KCTD20: variants seen among roughly 807,000 people sequenced by gnomAD.
KCTD20 encodes the protein BTB/POZ domain-containing protein KCTD20.
In KCTD20, 30 loss-of-function variants were observed where a neutral mutation model predicts 39.6. The observed-to-expected ratio is 0.76, with a 90% CI of 0.57 to 1.03. The LOEUF (loss-of-function observed/expected upper bound fraction) is 1.03, where lower values mean the gene tolerates loss of function less well. KCTD20 is among the 50% of genes least tolerant of loss of function. The pLI is 0.00. For synonymous variants in KCTD20, 162 were observed against 180.6 expected (o/e 0.90, Z 0.83); for missense variants, 422 against 522.0 (o/e 0.81, Z 1.87).
rs780052983 is a variant in KCTD20, at chr6:36,484,830, A to C, written c.967+6A>C. On this transcript the variant is annotated splice_donor_region_variant and intron_variant, in intron 7 of 7. Coordinates refer to ENST00000373731, the MANE Select transcript of KCTD20 (RefSeq NM_173562.5). The stretch of plus-strand genomic sequence containing the variant: ...CATTCGCATTGGAATTGAAGGTAAA[A>C]AAAAAAAAAAAATCCCAGTCAACAT... The C allele has an allele frequency of 2.1e-5, 31 of 1,488,400 alleles. No homozygotes were observed. The Admixed American group carries it at 3.7e-4, about 18-fold the overall frequency. 92.2% of individuals were successfully genotyped at this position (1,488,400 alleles called of 1,614,324 possible).
chr6:36,460,820 T>TA (rs1429543796), intron 1 of KCTD20, among the ~76,000 whole-genome samples: 1 of 152,090 alleles, frequency 6.6e-6, no homozygotes, highest in Non-Finnish European at 1.5e-5. Flanking sequence ...TGAAGTGATT[T>TA]ATACCTATAA....
chr6:36,474,260 T>G (rs890278152), intron 2 of KCTD20, among the ~76,000 whole-genome samples: 4 of 129,488 alleles, frequency 3.1e-5, no homozygotes, highest in African/African-American at 1.2e-4. Context: ...GAGTGTAATA[T>G]TCCCCTTCCT....
At chr6:36,448,865 G>A (rs1775140453) in intron 1 of KCTD20, among the ~76,000 whole-genome samples, 1 of 152,138 alleles carries the variant, frequency 6.6e-6, no homozygotes, top group African/African-American at 2.4e-5. Context: ...CCTTCCAGTG[G>A]GTTCGTGGTC....
intron 6 of KCTD20, among the ~76,000 whole-genome samples, chr6:36,482,267 T>C (rs1462807907): frequency 6.6e-6 from 1 of 152,128 alleles, no homozygotes; most frequent in Non-Finnish European, 1.5e-5. Flanking sequence ...ATCTTCGACA[T>C]TCTGGGCCGG....
At chr6:36,452,642 A>G (rs986435137) in intron 1 of KCTD20, 7 of 149,590 alleles carry the variant, frequency 4.7e-5, no homozygotes, top group African/African-American at 1.7e-4. Flanking sequence ...TCCCGAAGCG[A>G]TTCTACTGCC....
chr6:36,458,400 G>C (rs1775500235), intron 1 of KCTD20, among the ~76,000 whole-genome samples: 1 of 151,672 alleles, frequency 6.6e-6, no homozygotes, highest in Admixed American at 6.6e-5. Flanking sequence ...AATTAGCCGG[G>C]CGTGGTGGTG....
intron 1 of KCTD20, among the ~76,000 whole-genome samples, chr6:36,456,341 CA>C (rs1447048118): frequency 6.6e-6 from 1 of 152,106 alleles, no homozygotes; most frequent in Non-Finnish European, 1.5e-5. Context: ...TGCAGTGGCG[CA>C]ATCTTGGCTC....
chr6:36,462,134 C>A (rs540688886), intron 1 of KCTD20, among the ~76,000 whole-genome samples: 1 of 152,244 alleles, frequency 6.6e-6, no homozygotes, highest in Middle Eastern at 3.4e-3. Flanking sequence ...CCATCCTTCA[C>A]CATTTTTCTG....
chr6:36,478,419 T>A (rs1451426303), intron 3 of KCTD20, among the ~76,000 whole-genome samples: 2 of 152,208 alleles, frequency 1.3e-5, no homozygotes, highest in Non-Finnish European at 2.9e-5. Flanking sequence ...TCATGACTTC[T>A]GAGTTCATGC....
chr6:36,460,995 T>C (rs1053170917), intron 1 of KCTD20, among the ~76,000 whole-genome samples: 3 of 152,030 alleles, frequency 2.0e-5, no homozygotes, highest in Non-Finnish European at 4.4e-5. Context: ...CCTCATAAAG[T>C]TTTTTGAGTA....
intron 1 of KCTD20, among the ~76,000 whole-genome samples, chr6:36,458,133 G>T (rs1775491921): frequency 2.0e-5 from 3 of 152,188 alleles, no homozygotes; most frequent in South Asian, 4.2e-4. Flanking sequence ...GCTCACTGCA[G>T]TCTCAACCTT....
chr6:36,486,538 G>A (rs1260498668), intron 7 of KCTD20, among the ~76,000 whole-genome samples: 1 of 149,558 alleles, frequency 6.7e-6, no homozygotes. Context: ...AGAGGACTAG[G>A]GTAGCCATGC....
Position 36,481,724 on chromosome 6 carries a change from A to T in KCTD20, c.821A>T (p.Asp274Val). ...GAGGATTCTGTGGACTGGGATGAAG[A>T]CCACCCTCCACCAATGGGGGAGGAA... Reference protein sequence around the residue: ...TDEDSVDWDEDHPPPMGEEYS... With the variant: ...TDEDSVDWDEVHPPPMGEEYS... Residue 274 changes from aspartate to valine, a missense_variant, in exon 6 of 8, where the codon GAC (aspartate) becomes GTC (valine). Physicochemically the swap from Asp to Val is radical, Grantham distance 152. Coordinates refer to ENST00000373731, the MANE Select transcript of KCTD20 (RefSeq NM_173562.5). The T allele has an allele frequency of 6.2e-7, 1 of 1,614,186 alleles. No individual in the cohort carries two copies. Among genetic ancestry groups the T allele is most frequent in the Non-Finnish European group, 8.5e-7 (1 of 1,180,028 alleles).
chr6:36,458,711 G>A (rs1014301433), intron 1 of KCTD20, among the ~76,000 whole-genome samples: 1 of 151,484 alleles, frequency 6.6e-6, no homozygotes, highest in African/African-American at 2.4e-5. Flanking sequence ...GGCATTTTTG[G>A]CCAAGTGAGG....
chr6:36,466,127 C>T (rs1199252389), intron 1 of KCTD20, among the ~76,000 whole-genome samples: 2 of 149,432 alleles, frequency 1.3e-5, no homozygotes, highest in African/African-American at 4.9e-5. Context: ...GGCTGGGGTG[C>T]TCTAAGCTCA....
At chr6:36,471,370 T>C (rs1775906331) in intron 2 of KCTD20, among the ~76,000 whole-genome samples, 1 of 152,192 alleles carries the variant, frequency 6.6e-6, no homozygotes, top group African/African-American at 2.4e-5. Flanking sequence ...TCTACCTGTT[T>C]TTGTAAATAA....
chr6:36,482,631 C>T (rs1344339334), intron 6 of KCTD20, among the ~76,000 whole-genome samples: 2 of 147,554 alleles, frequency 1.4e-5, no homozygotes, highest in African/African-American at 2.5e-5. Flanking sequence ...CCATAATTGA[C>T]TTAACCAGCC....
intron 1 of KCTD20, among the ~76,000 whole-genome samples, chr6:36,448,015 G>GTGTATGTATGTATATA (rs559687288): frequency 7.8e-6 from 1 of 128,954 alleles, no homozygotes; most frequent in Admixed American, 7.7e-5. Flanking sequence ...ATGTGTGTGT[G>GTGTATGTATGTATATA]TATATATATA....
intron 5 of KCTD20, among the ~76,000 whole-genome samples, chr6:36,480,556 CTTA>C (rs1335188131): frequency 1.3e-5 from 2 of 151,620 alleles, no homozygotes; most frequent in Non-Finnish European, 2.9e-5. Context: ...CCACGCCTGG[CTTA>C]TTATTATTGT....
Sources: gnomAD v4.1 joint callset for allele counts (sites outside exome capture counted in the v4.1 genomes callset) on GRCh38, gnomAD v4.1.1 for gene constraint, MANE v1.5 for transcripts, NCBI Gene and HGNC (gene_info 2026-07-23, HGNC 2026-07-21) for gene names.